Variants in DCTN1 observed in about 807,000 individuals in gnomAD.
DCTN1 encodes 150 kDa dynein-associated polypeptide.
DCTN1 carries 61 observed loss-of-function variants against 161.2 expected under a neutral mutation model. The observed-to-expected ratio is 0.38, with a 90% CI of 0.31 to 0.47. The LOEUF is 0.47. Ranked by LOEUF, DCTN1 falls within the 20% of genes least tolerant of loss-of-function variation. The probability of loss-of-function intolerance (pLI) is 0.99; values close to 1 mark genes in which losing one functional copy is unlikely to be tolerated. For missense variants in DCTN1, 1,404 were observed against 1,623.7 expected, an observed-to-expected ratio of 0.86 and a Z score of 2.33; for synonymous variants, 653 against 632.4, an observed-to-expected ratio of 1.03 and a Z score of -0.49.
At chr2:74,385,474 G>A (rs753787006) in intron 1 of DCTN1, 1 of 152,236 alleles carries the variant, frequency 6.6e-6, no homozygotes, top group Non-Finnish European at 1.5e-5. Context: ...CTGAGCCTGC[G>A]CTCTAAAGAG....
At chr2:74,373,691 TG>T in intron 6 of DCTN1, among the ~76,000 whole-genome samples, 1 of 152,168 alleles carries the variant, frequency 6.6e-6, no homozygotes, top group East Asian at 1.9e-4. Context: ...TACTGCAAAA[TG>T]GTAAGTGGAC....
chr2:74,365,382 T>G, intron 25 of DCTN1, 133 bp downstream of exon 25: 1 of 1,550,242 alleles, frequency 6.5e-7, no homozygotes, highest in Non-Finnish European at 8.8e-7. Context: ...GGTGATGCAA[T>G]GGGGTTGGCA....
At chr2:74,366,983 G>C (rs777225578) in intron 20 of DCTN1, 51 bp from the exon 21 acceptor site, 1 of 1,614,146 alleles carries the variant, frequency 6.2e-7, no homozygotes, top group South Asian at 1.1e-5. Context: ...ATTAAGGCTC[G>C]GAGTAAGGAA....
chr2:74,365,325 G>A (rs1043898681), intron 25 of DCTN1, 84 bp from the exon 26 acceptor site: 3 of 1,581,750 alleles, frequency 1.9e-6, no homozygotes, highest in African/African-American at 2.7e-5. Context: ...CCTTGGAATA[G>A]CCCTGCCAGT....
At chr2:74,362,924 G>A in intron 29 of DCTN1, 70 bp downstream of exon 29, 1 of 1,555,524 alleles carries the variant, frequency 6.4e-7, no homozygotes, top group Non-Finnish European at 8.8e-7. Context: ...AACCACCTGA[G>A]CAGGGGCTAA....
At chr2:74,379,944 C>T (rs1675434282) in intron 1 of DCTN1, 61 bp downstream of exon 1, 2 of 1,554,604 alleles carry the variant, frequency 1.3e-6, no homozygotes, top group Non-Finnish European at 1.8e-6. Flanking sequence ...CAATGATGTC[C>T]ACAGGCAGCC....
intron 8 of DCTN1, 157 bp downstream of exon 8, chr2:74,371,380 T>G: frequency 7.8e-7 from 1 of 1,289,246 alleles, no homozygotes; most frequent in Non-Finnish European, 1.1e-6. Flanking sequence ...AAGGAAAGGA[T>G]GGCTCAGTCA....
intron 16 of DCTN1, 77 bp downstream of exon 16, chr2:74,368,651 T>G: frequency 6.2e-7 from 1 of 1,603,812 alleles, no homozygotes; most frequent in Non-Finnish European, 8.5e-7. Context: ...CTCTGTTGTC[T>G]TCACTCAGCA....
In DCTN1 at chr2:74,365,882, A is replaced by G; in HGVS notation, c.2886+11T>C. 6.2e-7 allele frequency: 1 copy of G among 1,614,180 alleles called. No homozygotes were observed. The highest frequency in any genetic ancestry group is 8.5e-7 in the Non-Finnish European group (1 of 1,180,030). On this transcript the variant is annotated intron_variant, in intron 24 of 31. Transcript: ENST00000628224. ...CCTGGCCCCCAGATCCTGAGCCTAC[A>G]CTACCCTCACCTTAATCTTGAGTGA...
intron 19 of DCTN1, 46 bp downstream of exon 19, chr2:74,367,306 A>G (rs1226280084): frequency 9.3e-6 from 15 of 1,608,968 alleles, no homozygotes; most frequent in African/African-American, 4.0e-5. Context: ...GATGCCCTCC[A>G]TTTCTGATCT....
chr2:74,363,920 T>C (rs1341952705), intron 26 of DCTN1: 2 of 493,836 alleles, frequency 4.0e-6, no homozygotes, highest in African/African-American at 1.9e-5. Context: ...CATGAGGCTG[T>C]TCCTGCCTCC....
Position 74,369,017 on chromosome 2 carries a change from C to A in DCTN1, c.1701+81G>T. Reference sequence around the variant, plus strand: ...TTCCAAACCACCACACAAAGCACCCCTTCCCCCAGGAATCTGAAGCCCAGA... The same window carrying A: ...TTCCAAACCACCACACAAAGCACCCATTCCCCCAGGAATCTGAAGCCCAGA... On this transcript the variant is annotated intron_variant, in intron 15 of 31. Transcript: ENST00000628224. The surrounding 1 kb of genome is among the most constrained non-coding windows in gnomAD (Gnocchi z 4.9). The A allele has an allele frequency of 6.4e-7, 1 of 1,566,654 alleles. No homozygotes were observed. Among genetic ancestry groups the A allele is most frequent in the Non-Finnish European group, 8.8e-7 (1 of 1,140,908 alleles).
Position 74,379,062 on chromosome 2 carries a change from G to A in DCTN1, c.34-817C>T, listed in dbSNP as rs755525507. 10 of 152,710 alleles carry A rather than the reference G, an allele frequency of 6.5e-5. 1 individual carries two copies. Among genetic ancestry groups the A allele is most frequent in the Non-Finnish European group, 1.0e-4 (7 of 68,386 alleles). The allele number at this position is 152,710 out of a possible 1,614,324, so 9.5% of individuals were successfully genotyped here. A position where few individuals can be genotyped will look rare whatever the true frequency, so the allele number is the denominator to read the frequency against. On this transcript the variant is annotated intron_variant, in intron 1 of 31. Transcript: ENST00000628224. ...CTCTGCTCAGTGGTCCAAATGAATG[G>A]TTTATCACTCCACAGATGGGCAAGG...
chr2:74,373,017 G>A (rs1486096067), intron 6 of DCTN1, 69 bp from the exon 7 acceptor site: 4 of 1,449,426 alleles, frequency 2.8e-6, no homozygotes, highest in Non-Finnish European at 3.9e-6. Context: ...AAGACAGAGA[G>A]CAAAAGGGAC....
intron 6 of DCTN1, among the ~76,000 whole-genome samples, chr2:74,374,019 C>G (rs1407002827): frequency 6.6e-6 from 1 of 152,236 alleles, no homozygotes; most frequent in African/African-American, 2.4e-5. Flanking sequence ...TCCCTAGGTT[C>G]TACCACAGGA....
At position 74,367,433 on chromosome 2, in the gene DCTN1, AACAG is replaced by A. The variant is rs775091667; in HGVS notation, c.2185-17_2185-14del. ...TGCTGTACAGATGCTGAGGAGAGAT[AACAG>A]ACAGACAACTTTTAGGCCCTGGAGC... On this transcript the variant is annotated splice_polypyrimidine_tract_variant and intron_variant, in intron 18 of 31. Transcript: ENST00000628224. 1.9e-5 allele frequency: 31 copies of A among 1,613,954 alleles called. No individual in the cohort carries two copies. Among genetic ancestry groups the A allele is most frequent in the Non-Finnish European group, 2.6e-5 (31 of 1,180,008 alleles).
At chr2:74,364,975 C>A (rs572159844) in intron 26 of DCTN1, 100 bp downstream of exon 26, 4 of 1,480,328 alleles carry the variant, frequency 2.7e-6, no homozygotes, top group African/African-American at 1.4e-5. Flanking sequence ...TGGCTGAATA[C>A]CCGGGGGTAA....
At position 74,369,876 on chromosome 2, in the gene DCTN1, C is replaced by T. The variant is rs1345458529; in HGVS notation, c.1392+89G>A. The T allele has an allele frequency of 7.3e-6, 10 of 1,365,066 alleles. No individual in the cohort carries two copies. Among genetic ancestry groups the T allele is most frequent in the Admixed American group, 5.0e-5 (3 of 59,516 alleles). 84.6% of individuals were successfully genotyped at this position (1,365,066 alleles called of 1,614,324 possible). On this transcript the variant is annotated intron_variant, in intron 13 of 31. Transcript: ENST00000628224. The surrounding 1 kb of genome is among the most constrained non-coding windows in gnomAD (Gnocchi z 4.9). ...AGCAAGCCCAGGCTGGGTCCCTCAC[C>T]GCACACCCTGCTCAAAGGCCAAGGG...
chr2:74,367,772 A>G lies in DCTN1; in HGVS notation c.2108T>C (p.Ile703Thr), dbSNP rs1558938385. 1 of 1,614,164 alleles carries G rather than the reference A, an allele frequency of 6.2e-7. No homozygotes were observed. Among genetic ancestry groups the G allele is most frequent in the Admixed American group, 1.7e-5 (1 of 60,022 alleles). Residue 703 changes from isoleucine (I) to threonine (T), a missense_variant, in exon 18 of 32, where the codon ATT becomes ACT. Ile to Thr is a moderately conservative substitution (Grantham distance 89, BLOSUM62 -1). Around this residue, in one of 9 missense-constraint regions of DCTN1, gnomAD observed 475 missense variants for 489.8 expected, o/e 0.97. Coordinates refer to ENST00000628224, the MANE Select transcript of DCTN1 (RefSeq NM_004082.5). ...CAGCTGATCCTTGTGCAGCAGTTCA[A>G]TGAGGAAATCCAAGGAGCGCTCATG... ...SAHERSLDFL[I>T]ELLHKDQLDE...
Sources: gnomAD v4.1 joint callset for allele counts (sites outside exome capture counted in the v4.1 genomes callset) on GRCh38, gnomAD v4.1.1 for gene constraint, gnomAD v4.1.1 regional missense constraint, Gnocchi (gnomAD v3.1) non-coding constraint, MANE v1.5 for transcripts, NCBI Gene and HGNC (gene_info 2026-07-23, HGNC 2026-07-21) for gene names.